The following DLGAP2 variants were observed in gnomAD, a reference collection of about 807,000 sequenced individuals.
DLGAP2 encodes the protein DLG associated protein 2.
A neutral mutation model predicts 100.3 loss-of-function variants in DLGAP2; 26 were observed. That is an observed-to-expected ratio of 0.26 (90% CI 0.19 to 0.36). The LOEUF is 0.36. DLGAP2 is among the 10% of genes least tolerant of loss of function. The pLI is 1.00. For missense variants in DLGAP2, 1,858 were observed against 1,453.2 expected (o/e 1.28, Z -4.53); for synonymous variants, 886 against 630.1 (o/e 1.41, Z -6.08).
At chr8:1,321,857 G>T (rs1353769965) in intron 3 of DLGAP2, among the ~76,000 whole-genome samples, 4 of 152,174 alleles carry the variant, frequency 2.6e-5, no homozygotes, top group Non-Finnish European at 5.9e-5. Flanking sequence ...TCCTTTCTTT[G>T]TTTCCAATTA....
chr8:1,097,511 G>T (rs1268415501), intron 2 of DLGAP2, among the ~76,000 whole-genome samples: 1 of 134,178 alleles, frequency 7.5e-6, no homozygotes, highest in African/African-American at 2.9e-5. Context: ...GCATGGAGAG[G>T]TCCCCTCCAG....
At chr8:1,317,946 C>G (rs1314558768) in intron 3 of DLGAP2, among the ~76,000 whole-genome samples, 1 of 67,156 alleles carries the variant, frequency 1.5e-5, no homozygotes, top group East Asian at 3.6e-4. Flanking sequence ...AAAAATAGAG[C>G]GTGTGCGAGT....
intron 3 of DLGAP2, among the ~76,000 whole-genome samples, chr8:1,444,039 C>G (rs1477727402): frequency 1.3e-5 from 2 of 152,138 alleles, no homozygotes; most frequent in Non-Finnish European, 2.9e-5. Context: ...TGTACTCATG[C>G]TGAATATGTG....
intron 3 of DLGAP2, chr8:1,368,974 G>A (rs1802174325): frequency 1.3e-5 from 2 of 152,130 alleles, no homozygotes; most frequent in South Asian, 4.1e-4. Flanking sequence ...GCACATACTA[G>A]GTGTCACCCT....
At chr8:1,497,796 T>C (rs1196178217) in intron 3 of DLGAP2, among the ~76,000 whole-genome samples, 2 of 152,208 alleles carry the variant, frequency 1.3e-5, no homozygotes, top group African/African-American at 4.8e-5. Context: ...CCCTAGCAGA[T>C]GCCTGAAACC....
chr8:1,704,454 G>C lies in DLGAP2; in HGVS notation c.*3048G>C, dbSNP rs1235739408. ...AGGACCTAGCGTTTAGCCCGGGAAA[G>C]GAGAATGCTGCTTGTCACCTAGAGT... On this transcript the variant is annotated 3_prime_UTR_variant, in exon 15 of 15. Transcript: ENST00000637795. 6.6e-6 allele frequency: 1 copy of C among 152,260 alleles called. No homozygotes were observed. 9.4% of individuals were successfully genotyped at this position (152,260 alleles called of 1,614,324 possible).
intron 1 of DLGAP2, among the ~76,000 whole-genome samples, chr8:750,476 T>A (rs1362300267): frequency 1.3e-5 from 2 of 152,220 alleles, no homozygotes; most frequent in Admixed American, 1.3e-4. Flanking sequence ...TTTTCCTGAG[T>A]GCATAAAAAT....
intron 1 of DLGAP2, among the ~76,000 whole-genome samples, chr8:821,913 TTGG>T (rs1156688682): frequency 6.6e-6 from 1 of 152,172 alleles, no homozygotes; most frequent in Non-Finnish European, 1.5e-5. Flanking sequence ...CTACAAACAG[TTGG>T]TGGTGATTTT....
chr8:1,527,205 G>C (rs1800824488), intron 4 of DLGAP2, among the ~76,000 whole-genome samples: 1 of 152,238 alleles, frequency 6.6e-6, no homozygotes, highest in African/African-American at 2.4e-5. Flanking sequence ...TCGTCCTCTT[G>C]TCCAGGCTTC....
intron 2 of DLGAP2, among the ~76,000 whole-genome samples, chr8:940,656 G>T (rs1799174849): frequency 6.6e-6 from 1 of 152,164 alleles, no homozygotes; most frequent in South Asian, 2.1e-4. Context: ...TTTCAGGACA[G>T]TTTGGAAAAC....
At chr8:752,926 C>T (rs917944136) in intron 1 of DLGAP2, among the ~76,000 whole-genome samples, 3 of 152,196 alleles carry the variant, frequency 2.0e-5, no homozygotes, top group African/African-American at 7.2e-5. Context: ...TTAAGTGGAT[C>T]ACCCTCACTC....
At chr8:1,683,516 T>A (rs966751276) in intron 12 of DLGAP2, among the ~76,000 whole-genome samples, 1 of 151,316 alleles carries the variant, frequency 6.6e-6, no homozygotes, top group African/African-American at 2.4e-5. Context: ...TCCGCACCTC[T>A]GCTGTCATTT....
chr8:1,452,322 T>C (rs7843276), intron 3 of DLGAP2, among the ~76,000 whole-genome samples: 77,033 of 151,898 alleles, frequency 0.51, 20,105 homozygotes, highest in East Asian at 0.84. Flanking sequence ...GCACCCTCCA[T>C]ACAGGTGTGC....
intron 3 of DLGAP2, among the ~76,000 whole-genome samples, chr8:1,286,311 T>C (rs1799920419): frequency 6.6e-6 from 1 of 152,214 alleles, no homozygotes; most frequent in Admixed American, 6.5e-5. Flanking sequence ...ATTAAACTTC[T>C]TTACTTTATA....
chr8:946,066 C>G (rs1460988640), intron 2 of DLGAP2, among the ~76,000 whole-genome samples: 2 of 117,460 alleles, frequency 1.7e-5, no homozygotes, highest in African/African-American at 5.5e-5. Context: ...TCCAGGGCTG[C>G]AGCCTCCTGT....
chr8:743,859 G>A (rs1425076416), intron 1 of DLGAP2, among the ~76,000 whole-genome samples: 6 of 152,356 alleles, frequency 3.9e-5, no homozygotes, highest in African/African-American at 7.2e-5. Flanking sequence ...GCCACTGCGC[G>A]ATGCCTTTTG....
At chr8:1,015,067 CGGT>C (rs201550341) in intron 2 of DLGAP2, among the ~76,000 whole-genome samples, 14 of 19,066 alleles carry the variant, frequency 7.3e-4, no homozygotes, top group African/African-American at 1.8e-3. Context: ...CCAGGACAGA[CGGT>C]GCCTCCACTG....
chr8:1,565,972 G>T, intron 6 of DLGAP2, 78 bp downstream of exon 6: 1 of 1,241,692 alleles, frequency 8.1e-7, no homozygotes, highest in South Asian at 1.6e-5. Flanking sequence ...CCACTTCACC[G>T]TGAGCTGAGT....
intron 2 of DLGAP2, among the ~76,000 whole-genome samples, chr8:918,374 C>A (rs954566239): frequency 6.6e-6 from 1 of 152,178 alleles, no homozygotes; most frequent in Non-Finnish European, 1.5e-5. Flanking sequence ...TAGGGTTTAC[C>A]AGTCGTCTGA....
Sources: allele counts gnomAD v4.1 joint callset (sites outside exome capture counted in the v4.1 genomes callset), GRCh38; gene constraint gnomAD v4.1.1; transcripts MANE v1.5; gene names NCBI Gene and HGNC (gene_info 2026-07-23, HGNC 2026-07-21).